Variants in PKD2 observed in about 807,000 individuals in gnomAD.
PKD2 encodes the protein polycystin-2.
In PKD2, 48 loss-of-function variants were observed where a neutral mutation model predicts 105.9. That is an observed-to-expected ratio of 0.45 (90% confidence interval 0.36 to 0.58). The LOEUF (loss-of-function observed/expected upper bound fraction) is 0.58. Ranked by LOEUF, PKD2 falls within the 20% of genes least tolerant of loss-of-function variation. The pLI, the probability that PKD2 is intolerant of heterozygous loss-of-function variation, is 0.00. For synonymous variants in PKD2, 464 were observed against 481.1 expected (o/e 0.96, Z 0.46); for missense variants, 1,078 against 1,255.3 (o/e 0.86, Z 2.13).
At chr4:88,059,934 G>A (rs1423823031) in intron 9 of PKD2, among the ~76,000 whole-genome samples, 6 of 152,172 alleles carry the variant, frequency 3.9e-5, no homozygotes, top group Admixed American at 3.9e-4. Context: ...GTTAAGAAGT[G>A]GCTCAGCTGA....
chr4:88,031,825 C>T (rs1236602606), intron 2 of PKD2, among the ~76,000 whole-genome samples: 1 of 152,040 alleles, frequency 6.6e-6, no homozygotes. Context: ...TTCTGTTATT[C>T]AATACATAAG....
rs145297759 is a variant in PKD2 at position 88,052,059 on chromosome 4, G to C, written c.1617G>C (p.Leu539=). ...TSNVEVLLQF[L]EDQNTFPNFE... ...ATGTGGAGGTGCTACTACAGTTTCTGGAAGATCAAAATACTTTCCCCAACT... is the reference window on the plus strand; with the variant it reads ...ATGTGGAGGTGCTACTACAGTTTCTCGAAGATCAAAATACTTTCCCCAACT... The change falls in exon 7 of 15, where the codon CTG becomes CTC. Residue 539 remains leucine (L), a synonymous_variant. Coordinates refer to ENST00000237596, the MANE Select transcript of PKD2 (RefSeq NM_000297.4). 3.2e-4 allele frequency: 518 copies of C among 1,602,076 alleles called. 2 individuals are homozygous for C. The African/African-American group carries it at 6.2e-3, about 19-fold the overall frequency.
intron 1 of PKD2, among the ~76,000 whole-genome samples, chr4:88,014,599 G>A (rs1726498813): frequency 1.3e-5 from 2 of 152,228 alleles, no homozygotes; most frequent in South Asian, 4.2e-4. Flanking sequence ...TTCTAAAAGT[G>A]TCCCTGCAAT....
chr4:88,041,913 C>G lies in PKD2; in HGVS notation c.1095-1320C>G, dbSNP rs1182722436. ...TAACTCTTTTCTGCACATGAGCCCT[C>G]TGTTCCTCCCCACTCCAGTCTTCCC... is the stretch of plus-strand genomic sequence containing the variant. On this transcript the variant is annotated intron_variant, in intron 4 of 14. Transcript: ENST00000237596. 2.0e-5 allele frequency among the ~76,000 whole-genome samples: 3 copies of G among 152,218 alleles called. No homozygotes were observed. The East Asian group carries it at 5.8e-4, about 29-fold the overall frequency.
intron 13 of PKD2, among the ~76,000 whole-genome samples, chr4:88,073,221 T>C (rs944454373): frequency 2.0e-5 from 3 of 149,790 alleles, no homozygotes; most frequent in Admixed American, 6.7e-5. Flanking sequence ...TAAAAAACTT[T>C]TGTAACAAGA....
chr4:88,035,861 A>G (rs1727312558), intron 2 of PKD2, among the ~76,000 whole-genome samples: 1 of 152,160 alleles, frequency 6.6e-6, no homozygotes, highest in African/African-American at 2.4e-5. Context: ...GCCTGTGCAG[A>G]TCAGCCTCAC....
chr4:88,048,797 G>A lies in PKD2; in HGVS notation c.1548+1927G>A, dbSNP rs184856572. 1.8e-4 allele frequency among the ~76,000 whole-genome samples: 27 copies of A among 152,256 alleles called. No individual in the cohort carries two copies. The East Asian group carries it at 3.9e-3, about 22-fold the overall frequency. The stretch of plus-strand genomic sequence containing the variant: ...CCCAAATTCTCAATGTATTAATAAT[G>A]AACAGAGTTACACAAGAATTTTAGC... On this transcript the variant is annotated intron_variant, in intron 6 of 14. Transcript: ENST00000237596.
At chr4:88,071,588 T>C (rs1721035315) in intron 13 of PKD2, among the ~76,000 whole-genome samples, 1 of 152,080 alleles carries the variant, frequency 6.6e-6, no homozygotes, top group South Asian at 2.1e-4. Context: ...TGTTAAAGAT[T>C]GGACATGTTA....
In PKD2 at chr4:88,075,921, G is replaced by GA. The variant is rs200938134; in HGVS notation, c.*235dup. The GA allele has an allele frequency of 6.7e-3, 3,598 of 539,082 alleles. 43 individuals carry two copies. Among genetic ancestry groups the GA allele is most frequent in the Middle Eastern group, 0.026 (51 of 1,958 alleles). 33.4% of individuals were successfully genotyped at this position (539,082 alleles called of 1,614,324 possible). ...AATCTAGGTGTAAATATTGAGTACA[G>GA]AAAAAAAATCTTCATGATGTGTATT... On this transcript the variant is annotated 3_prime_UTR_variant, in exon 15 of 15. Transcript: ENST00000237596.
intron 7 of PKD2, 33 bp from the exon 8 acceptor site, chr4:88,056,053 C>G: frequency 7.5e-7 from 1 of 1,334,918 alleles, no homozygotes; most frequent in Non-Finnish European, 1.1e-6. Context: ...TTTGTTTATC[C>G]ATTCATCTAT....
At chr4:88,065,138 T>G (rs1041500082) in intron 10 of PKD2, among the ~76,000 whole-genome samples, 4 of 152,144 alleles carry the variant, frequency 2.6e-5, no homozygotes, top group Non-Finnish European at 4.4e-5. Context: ...CACATATGAG[T>G]AAAAGACCTT....
At chr4:88,073,095 A>G (rs1486193326) in intron 13 of PKD2, among the ~76,000 whole-genome samples, 1 of 151,018 alleles carries the variant, frequency 6.6e-6, no homozygotes, top group African/African-American at 2.4e-5. Flanking sequence ...TCATGCCTGT[A>G]ATCCTAGCAC....
At chr4:88,064,110 G>A (rs1720692784) in intron 10 of PKD2, among the ~76,000 whole-genome samples, 1 of 152,154 alleles carries the variant, frequency 6.6e-6, no homozygotes, top group African/African-American at 2.4e-5. Flanking sequence ...AGCTGAGATT[G>A]CACCACTGCA....
chr4:88,024,767 G>A lies in PKD2; in HGVS notation c.709+5196G>A, dbSNP rs146661763. Among the ~76,000 whole-genome samples, 375 of 152,076 alleles carry A rather than the reference G, an allele frequency of 2.5e-3. 3 individuals are homozygous for A. The highest frequency in any genetic ancestry group is 8.6e-3 in the African/African-American group (358 of 41,508). On this transcript the variant is annotated intron_variant, in intron 2 of 14. Coordinates refer to ENST00000237596, the MANE Select transcript of PKD2 (RefSeq NM_000297.4). ...AATGATTATAAGAAACATCACAAAG[G>A]GTTAATATTTTAACACATTTGAAAC... is the stretch of plus-strand genomic sequence containing the variant.
chr4:88,067,932 G>A lies in PKD2; in HGVS notation c.2393G>A (p.Arg798His), dbSNP rs1195484858. ...DLDLDHSSLPRPMSSRSFPRS... is the reference protein window; with the variant it reads ...DLDLDHSSLPHPMSSRSFPRS... ...GATTTGGATCACAGTTCTTTACCAC[G>A]TCCCATGAGCAGCCGAAGTTTCCCT... Residue 798 changes from arginine to histidine, a missense_variant, in exon 13 of 15, where the codon CGT becomes CAT. Arg to His is a conservative substitution (Grantham distance 29). Transcript: ENST00000237596. The A allele has an allele frequency of 1.1e-5, 18 of 1,613,876 alleles. No homozygotes were observed. The highest frequency in any genetic ancestry group is 2.2e-5 in the South Asian group (2 of 91,076).
rs900520913 is a variant in PKD2, at chr4:88,077,685, A to C, written c.*1991A>C. 6.6e-6 allele frequency: 1 copy of C among 152,184 alleles called. No homozygotes were observed. Among genetic ancestry groups the C allele is most frequent in the Non-Finnish European group, 1.5e-5 (1 of 68,038 alleles). The allele number at this position is 152,184 out of a possible 1,614,324, so 9.4% of individuals were successfully genotyped here. A position where few individuals can be genotyped will look rare whatever the true frequency, so the allele number is the denominator to read the frequency against. On this transcript the variant is annotated 3_prime_UTR_variant, in exon 15 of 15. Coordinates refer to ENST00000237596, the MANE Select transcript of PKD2 (RefSeq NM_000297.4). ...TGTGTACTGGTATTATTAAAAAGAC[A>C]TTACATACGCAAGTCTTTCTCGACA...
intron 8 of PKD2, 106 bp downstream of exon 8, chr4:88,056,373 C>T (rs746023906): frequency 2.8e-6 from 2 of 704,422 alleles, no homozygotes; most frequent in Non-Finnish European, 4.8e-6. Flanking sequence ...TTATTTAAAA[C>T]CAGTTATTTT....
intron 1 of PKD2, among the ~76,000 whole-genome samples, chr4:88,016,937 G>C (rs536788375): frequency 7.9e-5 from 12 of 151,540 alleles, no homozygotes; most frequent in Admixed American, 2.6e-4. Flanking sequence ...GAGTACTCCA[G>C]CCTGGGTGAT....
chr4:88,007,970 CTCG>C lies in PKD2; in HGVS notation c.242_244del (p.Ser81del). On this transcript the variant is annotated inframe_deletion, in exon 1 of 15. Transcript: ENST00000237596. ...CCGCGGCCTCCCCTTCTCCTCCGCT[CTCG>C]TCGTGCTCCCGGCAGGCGTGGAGCC... 1 of 1,500,902 alleles carries C rather than the reference CTCG, an allele frequency of 6.7e-7. No individual in the cohort carries two copies. The highest frequency in any genetic ancestry group is 8.9e-7 in the Non-Finnish European group (1 of 1,128,706). The allele number at this position is 1,500,902 out of a possible 1,614,324, so 93.0% of individuals were successfully genotyped here.
Sources: allele counts gnomAD v4.1 joint callset (sites outside exome capture counted in the v4.1 genomes callset), GRCh38; gene constraint gnomAD v4.1.1; transcripts MANE v1.5; gene names NCBI Gene and HGNC (gene_info 2026-07-23, HGNC 2026-07-21).